The following NAV2 variants were observed in gnomAD, a reference collection of about 807,000 sequenced individuals.
NAV2 encodes neuron navigator 2, also known as helicase, APC down-regulated 1.
In NAV2, 54 loss-of-function variants were observed where a neutral mutation model predicts 223.2. The ratio of observed to expected loss-of-function variants is 0.24; its 90% confidence interval spans 0.19 to 0.30. The LOEUF is 0.30. Ranked by LOEUF, NAV2 falls within the 10% of genes least tolerant of loss-of-function variation. NAV2 has a pLI of 1.00. For synonymous variants in NAV2, 1,279 were observed against 1,239.3 expected, an observed-to-expected ratio of 1.03 and a Z score of -0.67; for missense variants, 2,806 against 3,147.5, an observed-to-expected ratio of 0.89 and a Z score of 2.60.
At chr11:19,587,172 C>A (rs538540383) in intron 1 of NAV2, among the ~76,000 whole-genome samples, 1 of 152,186 alleles carries the variant, frequency 6.6e-6, no homozygotes, top group African/African-American at 2.4e-5. Context: ...TAGGACCCTC[C>A]GAGCCAGGTG....
At chr11:19,652,040 C>G (rs1316816008) in intron 1 of NAV2, among the ~76,000 whole-genome samples, 1 of 152,134 alleles carries the variant, frequency 6.6e-6, no homozygotes, top group Non-Finnish European at 1.5e-5. Flanking sequence ...AATGGTGGAC[C>G]ATAGAACATC....
chr11:20,074,773 T>TTTTTTTTTTTTTTTTTTTTTTTTTTTTTC (rs2059618224), intron 22 of NAV2, among the ~76,000 whole-genome samples: 1 of 145,914 alleles, frequency 6.9e-6, no homozygotes, highest in Non-Finnish European at 1.5e-5. Flanking sequence ...TTTTTTTTTT[T>TTTTTTTTTTTTTTTTTTTTTTTTTTTTTC]TTTGCTTTCC....
intron 1 of NAV2, chr11:19,503,091 CTTGATTAAA>C (rs1049406611): frequency 8.1e-4 from 124 of 152,268 alleles, no homozygotes; most frequent in African/African-American, 2.9e-3. Flanking sequence ...TAAACATGGT[CTTGATTAAA>C]TTGATTAAAT....
chr11:19,567,344 C>T (rs558396841), intron 1 of NAV2, among the ~76,000 whole-genome samples: 3 of 152,186 alleles, frequency 2.0e-5, no homozygotes, highest in Non-Finnish European at 4.4e-5. Flanking sequence ...CAGGGGACAA[C>T]CGACCCACTA....
At chr11:19,952,715 G>T (rs914961797) in intron 10 of NAV2, among the ~76,000 whole-genome samples, 3 of 152,120 alleles carry the variant, frequency 2.0e-5, no homozygotes, top group Non-Finnish European at 4.4e-5. Flanking sequence ...GCTATTTTTT[G>T]ATGCCTCTAG....
chr11:19,364,444 A>T (rs990427958), intron 1 of NAV2, among the ~76,000 whole-genome samples: 1 of 152,188 alleles, frequency 6.6e-6, no homozygotes, highest in Non-Finnish European at 1.5e-5. Context: ...ATGTGGCCAG[A>T]CTTTCTCTTG....
chr11:19,666,548 A>G (rs141937374), intron 1 of NAV2, among the ~76,000 whole-genome samples: 505 of 152,268 alleles, frequency 3.3e-3, no homozygotes, highest in African/African-American at 0.012. Context: ...CCCCTGTAGC[A>G]CAGTAGGCTC....
intron 1 of NAV2, among the ~76,000 whole-genome samples, chr11:19,386,455 A>G (rs1849045197): frequency 6.6e-6 from 1 of 152,208 alleles, no homozygotes; most frequent in Non-Finnish European, 1.5e-5. Context: ...ACATCCTGGC[A>G]TGTAATAGGT....
rs576637040 is a variant in NAV2 at position 19,654,738 on chromosome 11, A to T, written c.76-177746A>T. Among the ~76,000 whole-genome samples, 17 of 152,352 alleles carry T rather than the reference A, an allele frequency of 1.1e-4. No homozygotes were observed. The South Asian group carries it at 3.5e-3, about 32-fold the overall frequency. ...TTCCTTACGCCTTATACAAAAATTAATTCAAGATGGATTAAAGACTTAAAT... is the reference window on the plus strand; with the variant it reads ...TTCCTTACGCCTTATACAAAAATTATTTCAAGATGGATTAAAGACTTAAAT... On this transcript the variant is annotated intron_variant, in intron 1 of 37. Coordinates refer to the NAV2 transcript ENST00000360655.
chr11:20,103,458 A>T, intron 33 of NAV2, 49 bp downstream of exon 33: 1 of 1,589,678 alleles, frequency 6.3e-7, no homozygotes, highest in East Asian at 2.2e-5. Context: ...GAGTGCTGCC[A>T]GCTGATGGGG....
intron 6 of NAV2, among the ~76,000 whole-genome samples, chr11:19,907,810 TG>T (rs2042995206): frequency 6.6e-6 from 1 of 152,252 alleles, no homozygotes; most frequent in Non-Finnish European, 1.5e-5. Flanking sequence ...TTTTTCCTTT[TG>T]TTTTTTATCA....
rs549850440 is a variant in NAV2, at chr11:19,722,323, A to T, written c.267+8361A>T. Among the ~76,000 whole-genome samples the T allele has an allele frequency of 9.7e-3, 441 of 45,374 alleles. 3 individuals carry two copies. The African/African-American group carries it at 0.14, about 15-fold the overall frequency. The allele number at this position is 45,374 out of a possible 152,430, so 29.8% of individuals were successfully genotyped here. On this transcript the variant is annotated intron_variant, in intron 1 of 37. Transcript: ENST00000349880. ...AATTTTTTAAATGAAGTAATTTTTT[A>T]AAAAAAATTTAAAACCTCTGACTGA... is the stretch of plus-strand genomic sequence containing the variant.
chr11:19,412,008 G>A (rs990009384), intron 1 of NAV2, among the ~76,000 whole-genome samples: 8 of 152,176 alleles, frequency 5.3e-5, no homozygotes, highest in African/African-American at 1.7e-4. Flanking sequence ...AAAACCAGGG[G>A]TCTTTCGAGC....
At chr11:20,011,471 T>G (rs1289866320) in intron 11 of NAV2, among the ~76,000 whole-genome samples, 1 of 152,228 alleles carries the variant, frequency 6.6e-6, no homozygotes, top group African/African-American at 2.4e-5. Flanking sequence ...TTGCTTGCAA[T>G]GAGTCACACA....
At chr11:19,518,393 G>T (rs947486738) in intron 1 of NAV2, 7 of 152,142 alleles carry the variant, frequency 4.6e-5, no homozygotes, top group African/African-American at 7.2e-5. Flanking sequence ...GTTAGATCAG[G>T]TACCTCTATC....
At chr11:19,732,464 A>G (rs946653226) in intron 1 of NAV2, among the ~76,000 whole-genome samples, 1 of 152,214 alleles carries the variant, frequency 6.6e-6, no homozygotes, top group Non-Finnish European at 1.5e-5. Flanking sequence ...TCACATAGCA[A>G]GTGCCCAGAA....
chr11:19,992,438 A>T (rs2051430965), intron 11 of NAV2, among the ~76,000 whole-genome samples: 1 of 152,204 alleles, frequency 6.6e-6, no homozygotes, highest in South Asian at 2.1e-4. Context: ...TTTCACTTTA[A>T]AAAGGAAAGA....
chr11:19,900,194 T>C (rs2042328339), intron 6 of NAV2, among the ~76,000 whole-genome samples: 1 of 150,376 alleles, frequency 6.6e-6, no homozygotes, highest in Non-Finnish European at 1.5e-5. Flanking sequence ...CAGTGACCAG[T>C]TAGACCACCT....
chr11:19,981,404 CA>C (rs1245134679), intron 10 of NAV2: 1 of 152,210 alleles, frequency 6.6e-6, no homozygotes, highest in Non-Finnish European at 1.5e-5. Context: ...CTGGCCTTAG[CA>C]GGAAGCCAGG....
Sources: allele counts gnomAD v4.1 joint callset (sites outside exome capture counted in the v4.1 genomes callset), GRCh38; gene constraint gnomAD v4.1.1; transcripts MANE v1.5; gene names NCBI Gene and HGNC (gene_info 2026-07-23, HGNC 2026-07-21).